The following RAD18 variants were observed in gnomAD, a reference collection of about 807,000 sequenced individuals.
RAD18 encodes RAD18 E3 ubiquitin protein ligase.
A neutral mutation model predicts 60.4 loss-of-function variants in RAD18; 47 were observed. The observed-to-expected ratio is 0.78, with a 90% CI of 0.62 to 0.99. The LOEUF (loss-of-function observed/expected upper bound fraction) is 0.99. RAD18 is among the 50% of genes least tolerant of loss of function. The pLI is 0.00. For synonymous variants in RAD18, 225 were observed against 195.5 expected (o/e 1.15, Z -1.26); for missense variants, 640 against 593.3 (o/e 1.08, Z -0.82).
intron 7 of RAD18, among the ~76,000 whole-genome samples, chr3:8,926,263 C>A (rs1940431649): frequency 6.6e-6 from 1 of 152,006 alleles, no homozygotes. Context: ...TCTTATACAC[C>A]AATAACAGAC....
At chr3:8,935,810 T>G in intron 7 of RAD18, 61 bp downstream of exon 7, 1 of 1,346,978 alleles carries the variant, frequency 7.4e-7, no homozygotes, top group Non-Finnish European at 1.0e-6. Flanking sequence ...TTATAATTTC[T>G]GAGCTACACA....
Position 8,963,310 on chromosome 3 carries a change from C to T in RAD18, c.51+25G>A, listed in dbSNP as rs1366178704. The T allele has an allele frequency of 3.8e-6, 6 of 1,597,122 alleles. No homozygotes were observed. The African/African-American group carries it at 4.1e-5, about 11-fold the overall frequency. ...ACCTCCCCCCGCAGACACCCGGGAG[C>T]TCCCAAACTCCCCGAAGCACTCACC... On this transcript the variant is annotated intron_variant, in intron 1 of 12. Transcript: ENST00000264926.
intron 12 of RAD18, among the ~76,000 whole-genome samples, chr3:8,888,581 T>C (rs1233713812): frequency 1.3e-5 from 2 of 152,252 alleles, no homozygotes; most frequent in East Asian, 3.8e-4. Context: ...TTTTCCTGAT[T>C]CTGCTTTTAA....
intron 7 of RAD18, among the ~76,000 whole-genome samples, chr3:8,924,544 G>C (rs1575549046): frequency 7.1e-6 from 1 of 140,780 alleles, no homozygotes; most frequent in Non-Finnish European, 1.6e-5. Flanking sequence ...ATTGAACTCA[G>C]CTCTGCACCA....
chr3:8,922,920 C>T (rs1464556707), intron 7 of RAD18, among the ~76,000 whole-genome samples: 1 of 152,196 alleles, frequency 6.6e-6, no homozygotes. Context: ...ATCTGTACGT[C>T]ACCATCATCA....
chr3:8,938,094 G>A (rs1940683629), intron 6 of RAD18, among the ~76,000 whole-genome samples: 1 of 152,124 alleles, frequency 6.6e-6, no homozygotes, highest in Non-Finnish European at 1.5e-5. Context: ...GAGAAAAGCA[G>A]TTCATCAAAC....
Position 8,899,013 on chromosome 3 carries a change from G to C in RAD18, c.1203C>G (p.His401Gln). The change falls in exon 11 of 13, where the codon CAC (histidine) becomes CAG (glutamine). Residue 401 changes from histidine to glutamine, a missense_variant. His to Gln is a conservative substitution (Grantham distance 24). Coordinates refer to ENST00000264926, the MANE Select transcript of RAD18 (RefSeq NM_020165.4). ...GGGAGTCCAGCTTTGATTGAGAAAA[G>C]TGGTTTGTTACTGAGGTCATATTAT... is the stretch of plus-strand genomic sequence containing the variant. The part of the protein sequence containing the change: ...QEDNMTSVTN[H>Q]FSQSKLDSPE... 1.2e-6 allele frequency: 2 copies of C among 1,607,806 alleles called. No homozygotes were observed. The highest frequency in any genetic ancestry group is 1.7e-6 in the Non-Finnish European group (2 of 1,176,494).
chr3:8,962,282 T>G (rs1249155708), intron 1 of RAD18, among the ~76,000 whole-genome samples: 1 of 152,192 alleles, frequency 6.6e-6, no homozygotes, highest in Admixed American at 6.5e-5. Flanking sequence ...CCACTGGAAC[T>G]CAAATCTGTG....
intron 5 of RAD18, among the ~76,000 whole-genome samples, chr3:8,940,233 G>A (rs45618333): frequency 0.11 from 17,088 of 152,080 alleles, 1,081 homozygotes; most frequent in East Asian, 0.23. Context: ...GGGGTATCTC[G>A]GGGCCTACAG....
At chr3:8,914,553 AT>A (rs1217142647) in intron 7 of RAD18, among the ~76,000 whole-genome samples, 5 of 152,016 alleles carry the variant, frequency 3.3e-5, no homozygotes, top group East Asian at 1.9e-4. Context: ...TTAAAGTTTT[AT>A]TTTTTTTAAA....
intron 2 of RAD18, among the ~76,000 whole-genome samples, chr3:8,950,446 C>T (rs1940909279): frequency 6.6e-6 from 1 of 152,176 alleles, no homozygotes; most frequent in South Asian, 2.1e-4. Context: ...AAATACACAA[C>T]TCTAGCCCTC....
At chr3:8,907,197 C>T (rs1414476646) in intron 9 of RAD18, among the ~76,000 whole-genome samples, 2 of 152,216 alleles carry the variant, frequency 1.3e-5, no homozygotes, top group Admixed American at 1.3e-4. Flanking sequence ...TTATAAGGCT[C>T]ATCGCATTTT....
At chr3:8,885,004 G>A (rs953642920) in intron 12 of RAD18, among the ~76,000 whole-genome samples, 1 of 152,168 alleles carries the variant, frequency 6.6e-6, no homozygotes, top group Non-Finnish European at 1.5e-5. Context: ...GATATTCCTG[G>A]GGAGGGCCAC....
At chr3:8,891,173 G>A (rs1355472058) in intron 11 of RAD18, among the ~76,000 whole-genome samples, 1 of 151,686 alleles carries the variant, frequency 6.6e-6, no homozygotes, top group South Asian at 2.1e-4. Context: ...CCACCCTTTG[G>A]GGGTGATACT....
intron 7 of RAD18, among the ~76,000 whole-genome samples, chr3:8,920,143 A>G (rs753502776): frequency 1.3e-5 from 2 of 152,048 alleles, no homozygotes; most frequent in African/African-American, 2.4e-5. Flanking sequence ...TTAGCCAGGC[A>G]TGGCATGCGC....
At chr3:8,890,146 A>G (rs1462810509) in intron 12 of RAD18, 4 of 504,444 alleles carry the variant, frequency 7.9e-6, no homozygotes, top group East Asian at 6.8e-5. Context: ...TTAATTGCCC[A>G]TAAGAACAAT....
chr3:8,935,784 A>T, intron 7 of RAD18, 87 bp downstream of exon 7: 1 of 1,211,772 alleles, frequency 8.3e-7, no homozygotes, highest in Non-Finnish European at 1.1e-6. Context: ...ATTTATTTAC[A>T]ATATTTTTCT....
At position 8,939,557 on chromosome 3, in the gene RAD18, C is replaced by A; in HGVS notation, c.701G>T (p.Arg234Ile). The A allele has an allele frequency of 6.2e-7, 1 of 1,610,600 alleles. No individual in the cohort carries two copies. The highest frequency in any genetic ancestry group is 1.3e-5 in the African/African-American group (1 of 74,896). Residue 234 changes from arginine (R) to isoleucine (I), a missense_variant, in exon 6 of 13, where the codon AGA (arginine) becomes ATA (isoleucine). Arg to Ile is a moderately conservative substitution (Grantham distance 97). Coordinates refer to ENST00000264926, the MANE Select transcript of RAD18 (RefSeq NM_020165.4). ...LSREEKKESL[R>I]SSVHKRKPLP... ...TGGTTCTGCTCAACTTCCTTACCTT[C>A]TGAGGCTTTCCTTCTTCTCTTCGCG...
intron 12 of RAD18, among the ~76,000 whole-genome samples, chr3:8,886,991 G>A (rs1324060938): frequency 1.3e-5 from 2 of 152,170 alleles, no homozygotes; most frequent in Non-Finnish European, 2.9e-5. Flanking sequence ...ACGTTTCACT[G>A]GCAAAATGAA....
Sources: gnomAD v4.1 joint callset for allele counts (sites outside exome capture counted in the v4.1 genomes callset) on GRCh38, gnomAD v4.1.1 for gene constraint, MANE v1.5 for transcripts, NCBI Gene and HGNC (gene_info 2026-07-23, HGNC 2026-07-21) for gene names.